The following DYNC2H1 variants were observed in gnomAD, a reference collection of about 807,000 sequenced individuals.
DYNC2H1 encodes the protein dynein cytoplasmic 2 heavy chain 1.
Under a neutral mutation model 570.0 loss-of-function variants are expected in DYNC2H1, and 410 were observed. The observed-to-expected ratio is 0.72, with a 90% confidence interval of 0.66 to 0.78. The LOEUF (loss-of-function observed/expected upper bound fraction) is 0.78. Among genes scored for constraint, DYNC2H1 ranks in the 30% least tolerant of loss-of-function variants. DYNC2H1 has a pLI of 0.00. For synonymous variants in DYNC2H1, 1,688 were observed against 1,677.6 expected (o/e 1.01, Z -0.15); for missense variants, 4,865 against 5,046.4 (o/e 0.96, Z 1.09).
At chr11:103,456,875 T>G (rs1052097712) in intron 87 of DYNC2H1, among the ~76,000 whole-genome samples, 2 of 152,224 alleles carry the variant, frequency 1.3e-5, no homozygotes. Context: ...CTTTAAAATA[T>G]TATATAAAAT....
chr11:103,267,502 G>A (rs958031215), intron 70 of DYNC2H1, among the ~76,000 whole-genome samples: 3 of 151,724 alleles, frequency 2.0e-5, no homozygotes, highest in African/African-American at 4.8e-5. Flanking sequence ...AAGCCATTTT[G>A]TTACTAAAAT....
rs372442744 is a variant in DYNC2H1 at position 103,160,939 on chromosome 11, C to T, written c.4386C>T (p.Asn1462=). The T allele has an allele frequency of 1.4e-5, 22 of 1,540,928 alleles. No homozygotes were observed. In the African/African-American group the frequency reaches 1.7e-4, roughly 12 times the overall value. Residue 1462 remains asparagine (N), a synonymous_variant, in exon 29 of 89, where the codon AAC becomes AAT. Coordinates refer to ENST00000375735, the MANE Select transcript of DYNC2H1 (RefSeq NM_001377.3). ...SHLKKLFAGI[N]SVCFDEKSKH... ...ATTGCTTTTATATTTCAGGTATTAA[C>T]AGTGTTTGCTTTGATGAGAAATCAA... is the stretch of plus-strand genomic sequence containing the variant.
At position 103,316,557 on chromosome 11, in the gene DYNC2H1, T is replaced by G; in HGVS notation, c.11662T>G (p.Phe3888Val). The change falls in exon 80 of 89, where the codon TTT (phenylalanine) becomes GTT (valine). Residue 3888 changes from phenylalanine to valine, a missense_variant. Transcript: ENST00000375735. Reference protein sequence around the residue: ...RNYIPQGWTKFYEFSLSDLRA... With the variant: ...RNYIPQGWTKVYEFSLSDLRA... ...TGTTTTTTGACAGGGTTGGACAAAG[T>G]TTTATGAATTTTCTTTATCAGATCT... 2 of 1,555,016 alleles carry G rather than the reference T, an allele frequency of 1.3e-6. No individual in the cohort carries two copies. The highest frequency in any genetic ancestry group is 1.7e-6 in the Non-Finnish European group (2 of 1,150,968).
chr11:103,255,287 A>G, intron 66 of DYNC2H1, 128 bp from the exon 67 acceptor site: 2 of 1,054,754 alleles, frequency 1.9e-6, no homozygotes, highest in South Asian at 1.7e-5. Flanking sequence ...TTAATTAGAA[A>G]GAATGAAATG....
At chr11:103,175,096 T>C (rs1480990590) in intron 36 of DYNC2H1, among the ~76,000 whole-genome samples, 2 of 152,160 alleles carry the variant, frequency 1.3e-5, no homozygotes, top group Non-Finnish European at 2.9e-5. Flanking sequence ...TATAAAAAAA[T>C]GGTTTTTTAT....
chr11:103,188,660 T>C lies in DYNC2H1; in HGVS notation c.7292+12T>C. On this transcript the variant is annotated intron_variant, in intron 44 of 88. Coordinates refer to ENST00000375735, the MANE Select transcript of DYNC2H1 (RefSeq NM_001377.3). The stretch of plus-strand genomic sequence containing the variant: ...CTTTGTTCTATAGAGTATGTATCTT[T>C]GTGTTTCAGATTTTTTAATTTGGGA... 6.6e-7 allele frequency: 1 copy of C among 1,505,352 alleles called. No homozygotes were observed. The highest frequency in any genetic ancestry group is 8.9e-7 in the Non-Finnish European group (1 of 1,122,828). 93.2% of individuals were successfully genotyped at this position (1,505,352 alleles called of 1,614,324 possible).
intron 82 of DYNC2H1, among the ~76,000 whole-genome samples, chr11:103,342,313 A>ATAAAATGGACCAATCAGCACTCTG (rs1565510849): frequency 6.6e-6 from 1 of 151,962 alleles, no homozygotes; most frequent in Non-Finnish European, 1.5e-5. Context: ...TCAGCACCCT[A>ATAAAATGGACCAATCAGCACTCTG]TAAAATGGAC....
chr11:103,223,210 A>G, intron 59 of DYNC2H1, 124 bp downstream of exon 59: 1 of 915,918 alleles, frequency 1.1e-6, no homozygotes, highest in South Asian at 2.7e-5. Flanking sequence ...ACTAAAATAT[A>G]TGAATGAGTC....
intron 84 of DYNC2H1, among the ~76,000 whole-genome samples, chr11:103,420,924 CAG>C (rs1943465043): frequency 6.6e-6 from 1 of 152,176 alleles, no homozygotes; most frequent in East Asian, 1.9e-4. Context: ...TTAAAAGACA[CAG>C]AGTGGCAAGC....
intron 71 of DYNC2H1, among the ~76,000 whole-genome samples, chr11:103,281,507 C>T (rs1866130898): frequency 6.6e-6 from 1 of 151,676 alleles, no homozygotes; most frequent in African/African-American, 2.4e-5. Context: ...AGTGTGTGGC[C>T]AGGGTGAGTG....
chr11:103,314,803 T>C (rs1006192474), intron 79 of DYNC2H1, among the ~76,000 whole-genome samples: 8 of 151,912 alleles, frequency 5.3e-5, no homozygotes, highest in African/African-American at 1.9e-4. Flanking sequence ...AGACATGTCA[T>C]AGGTATATAT....
chr11:103,190,276 A>C (rs185584107), intron 45 of DYNC2H1, among the ~76,000 whole-genome samples: 1 of 152,326 alleles, frequency 6.6e-6, no homozygotes, highest in East Asian at 1.9e-4. Context: ...GAGGATACAC[A>C]AAACATTTGT....
At chr11:103,474,022 T>C (rs1945473754) in intron 88 of DYNC2H1, 1 of 179,538 alleles carries the variant, frequency 5.6e-6, no homozygotes, top group Admixed American at 5.7e-5. Flanking sequence ...TTCTGCCTTC[T>C]ATACACTCTG....
chr11:103,357,914 C>A (rs937673959), intron 82 of DYNC2H1, among the ~76,000 whole-genome samples: 5 of 152,180 alleles, frequency 3.3e-5, no homozygotes, highest in Non-Finnish European at 7.3e-5. Flanking sequence ...TGCGCTATTG[C>A]ACTCTAGCCT....
chr11:103,460,670 A>T (rs2135823715), intron 87 of DYNC2H1, among the ~76,000 whole-genome samples: 1 of 151,438 alleles, frequency 6.6e-6, no homozygotes, highest in South Asian at 2.1e-4. Context: ...TATATGTATA[A>T]TCTGTATATA....
chr11:103,317,245 C>G (rs1229485031), intron 80 of DYNC2H1, among the ~76,000 whole-genome samples: 1 of 152,066 alleles, frequency 6.6e-6, no homozygotes, highest in Non-Finnish European at 1.5e-5. Flanking sequence ...TGTCTCCTCC[C>G]CACCCCCAAC....
chr11:103,201,270 C>T lies in DYNC2H1; in HGVS notation c.8197+1116C>T, dbSNP rs905283431. On this transcript the variant is annotated intron_variant, in intron 50 of 88. Transcript: ENST00000375735. The surrounding 1 kb of genome is among the most constrained non-coding windows in gnomAD (Gnocchi z 4.8). ...ACAAATACTCTCTAGAAATTTATGGCTAAGTGGGCTCTCTATGTATCTGGA... is the reference window on the plus strand; with the variant it reads ...ACAAATACTCTCTAGAAATTTATGGTTAAGTGGGCTCTCTATGTATCTGGA... Among the ~76,000 whole-genome samples, 8 of 152,046 alleles carry T rather than the reference C, an allele frequency of 5.3e-5. No individual in the cohort carries two copies. Among genetic ancestry groups the T allele is most frequent in the African/African-American group, 1.9e-4 (8 of 41,386 alleles).
Position 103,173,062 on chromosome 11 carries a change from AT to A in DYNC2H1, c.5335-15del, listed in dbSNP as rs1406839876. ...CTTAATATTTAATATTTAAATTAAT[AT>A]TTTTAATTAATATTTCAGGTAGAAG... On this transcript the variant is annotated intron_variant, in intron 34 of 88. Transcript: ENST00000375735. The A allele has an allele frequency of 8.6e-7, 1 of 1,158,440 alleles. No individual in the cohort carries two copies. The highest frequency in any genetic ancestry group is 1.1e-6 in the Non-Finnish European group (1 of 897,152). The allele number at this position is 1,158,440 out of a possible 1,614,324, so 71.8% of individuals were successfully genotyped here. A position where few individuals can be genotyped will look rare whatever the true frequency, so the allele number is the denominator to read the frequency against.
At chr11:103,302,103 T>A (rs1867072569) in intron 75 of DYNC2H1, among the ~76,000 whole-genome samples, 1 of 152,046 alleles carries the variant, frequency 6.6e-6, no homozygotes, top group Non-Finnish European at 1.5e-5. Context: ...ATAGCAAAAT[T>A]ATAATCTCTT....
Sources: gnomAD v4.1 joint callset for allele counts (sites outside exome capture counted in the v4.1 genomes callset) on GRCh38, gnomAD v4.1.1 for gene constraint, Gnocchi (gnomAD v3.1) non-coding constraint, MANE v1.5 for transcripts, NCBI Gene and HGNC (gene_info 2026-07-23, HGNC 2026-07-21) for gene names.